CREB5: variants seen among roughly 807,000 people sequenced by gnomAD.
CREB5 encodes cAMP responsive element binding protein 5, also known as cyclic AMP-responsive element-binding protein 5.
In CREB5, 19 loss-of-function variants were observed where a neutral mutation model predicts 57.1. That is an observed-to-expected ratio of 0.33 (90% CI 0.23 to 0.49). CREB5 has a LOEUF of 0.49. CREB5 is among the 20% of genes least tolerant of loss of function. CREB5 has a pLI of 0.99. For missense variants in CREB5, 579 were observed against 671.6 expected (o/e 0.86, Z 1.52); for synonymous variants, 238 against 238.3 (o/e 1.00, Z 0.01).
At chr7:28,818,381 T>C (rs1809563172) in intron 10 of CREB5, among the ~76,000 whole-genome samples, 1 of 152,058 alleles carries the variant, frequency 6.6e-6, no homozygotes, top group South Asian at 2.1e-4. Flanking sequence ...GCCCACCACC[T>C]CCTGATAATT....
chr7:28,620,157 C>T (rs542264872), intron 5 of CREB5, among the ~76,000 whole-genome samples: 4 of 152,258 alleles, frequency 2.6e-5, no homozygotes, highest in Admixed American at 6.5e-5. Flanking sequence ...ACAATTTTTG[C>T]AGTCGTCTCA....
chr7:28,335,505 C>T (rs955730803), intron 1 of CREB5, among the ~76,000 whole-genome samples: 6 of 151,496 alleles, frequency 4.0e-5, no homozygotes, highest in African/African-American at 9.7e-5. Flanking sequence ...GATTGATTGC[C>T]GTTGGCCTAT....
chr7:28,447,712 CA>C (rs1040700190), intron 1 of CREB5, among the ~76,000 whole-genome samples: 1 of 152,116 alleles, frequency 6.6e-6, no homozygotes, highest in Admixed American at 6.5e-5. Flanking sequence ...CATGATGACT[CA>C]GGGGTCCTTT....
chr7:28,692,046 C>T (rs375521209), intron 5 of CREB5, among the ~76,000 whole-genome samples: 5 of 150,158 alleles, frequency 3.3e-5, no homozygotes, highest in African/African-American at 9.8e-5. Context: ...ATTAGCTGGG[C>T]GTGGTGGCAT....
chr7:28,502,913 G>A (rs1583547036), intron 3 of CREB5, among the ~76,000 whole-genome samples: 1 of 152,122 alleles, frequency 6.6e-6, no homozygotes, highest in Admixed American at 6.5e-5. Context: ...AAGGGAGTAA[G>A]GTAGCAATCA....
intron 1 of CREB5, among the ~76,000 whole-genome samples, chr7:28,477,301 G>T (rs1365706678): frequency 1.3e-5 from 2 of 152,098 alleles, no homozygotes; most frequent in African/African-American, 2.4e-5. Context: ...CTTTCAATAG[G>T]CATGTCTCAT....
intron 2 of CREB5, 24 bp downstream of exon 2, chr7:28,488,270 T>A (rs751996430): frequency 1.2e-6 from 2 of 1,605,744 alleles, no homozygotes; most frequent in East Asian, 2.2e-5. Flanking sequence ...TCCTCCCTGC[T>A]CTGACATGCA....
rs1795939739 is a variant in CREB5, at chr7:28,577,187, G to T, written c.464+6650G>T. On this transcript the variant is annotated intron_variant, in intron 5 of 10. Coordinates refer to ENST00000357727, the MANE Select transcript of CREB5 (RefSeq NM_182898.4). ...GGTTTCCTTTACCTACATATAAAGG[G>T]GTTAGCCAATTAATTGAGTCAGTCT... Among the ~76,000 whole-genome samples, 10 of 152,250 alleles carry T rather than the reference G, an allele frequency of 6.6e-5. 1 individual carries two copies. In the South Asian group the frequency reaches 1.7e-3, roughly 25 times the overall value.
intron 1 of CREB5, among the ~76,000 whole-genome samples, chr7:28,402,523 A>T (rs1376106840): frequency 1.3e-5 from 2 of 152,202 alleles, no homozygotes; most frequent in Non-Finnish European, 2.9e-5. Flanking sequence ...AATACCACAC[A>T]TCTACAACCA....
At chr7:28,730,665 G>A (rs1803565490) in intron 7 of CREB5, among the ~76,000 whole-genome samples, 1 of 152,146 alleles carries the variant, frequency 6.6e-6, no homozygotes, top group African/African-American at 2.4e-5. Context: ...GTTTACATTA[G>A]TAGAGCACTT....
chr7:28,382,414 G>A (rs1265774655), intron 1 of CREB5, among the ~76,000 whole-genome samples: 1 of 151,176 alleles, frequency 6.6e-6, no homozygotes, highest in Non-Finnish European at 1.5e-5. Flanking sequence ...CTGAAGCATT[G>A]AGAATAATTA....
At chr7:28,511,749 G>T (rs978488570) in intron 4 of CREB5, among the ~76,000 whole-genome samples, 4 of 152,234 alleles carry the variant, frequency 2.6e-5, no homozygotes, top group Non-Finnish European at 5.9e-5. Flanking sequence ...GCCTCCCAAA[G>T]TGCTGGGATT....
chr7:28,410,341 C>G (rs758999392), upstream of CREB5: 6 of 456,686 alleles, frequency 1.3e-5, no homozygotes, highest in Middle Eastern at 9.8e-4. Flanking sequence ...AGCTCCGGCT[C>G]GAGCTTTGGC....
In CREB5 at chr7:28,560,923, CGCGTGCGTGT is replaced by C. The variant is rs1795182746; in HGVS notation, c.292-9440_292-9431del. On this transcript the variant is annotated intron_variant, in intron 4 of 10. Transcript: ENST00000357727. ...GTGCGCGCGTGCGTGTGCGTGTGTG[CGCGTGCGTGT>C]GTGCGTGCGTGTGTGTGCGTGTGTG... Among the ~76,000 whole-genome samples the C allele has an allele frequency of 9.6e-4, 19 of 19,842 alleles. 1 individual carries two copies. Among genetic ancestry groups the C allele is most frequent in the African/African-American group, 2.8e-3 (16 of 5,680 alleles). 13.0% of individuals were successfully genotyped at this position (19,842 alleles called of 152,430 possible).
At chr7:28,614,909 A>G (rs1166179455) in intron 5 of CREB5, among the ~76,000 whole-genome samples, 3 of 152,228 alleles carry the variant, frequency 2.0e-5, no homozygotes, top group Non-Finnish European at 4.4e-5. Flanking sequence ...ATATTTTAAC[A>G]TGGCTATATA....
chr7:28,806,126 G>A (rs938102220), intron 8 of CREB5, among the ~76,000 whole-genome samples: 1 of 152,172 alleles, frequency 6.6e-6, no homozygotes, highest in African/African-American at 2.4e-5. Flanking sequence ...ATTTCACAGA[G>A]CAAGTTATAT....
chr7:28,493,769 A>G (rs917089771), intron 2 of CREB5, among the ~76,000 whole-genome samples: 3 of 152,226 alleles, frequency 2.0e-5, no homozygotes, highest in African/African-American at 7.2e-5. Context: ...TGGGAGCAGC[A>G]TTTTTGATAA....
intron 5 of CREB5, among the ~76,000 whole-genome samples, chr7:28,645,878 G>GT (rs1389757873): frequency 6.6e-6 from 1 of 152,170 alleles, no homozygotes; most frequent in Non-Finnish European, 1.5e-5. Flanking sequence ...ACCAATCCAG[G>GT]TGGGCCATCA....
rs115005270 is a variant in CREB5, at chr7:28,538,031, G to T, written c.291+30294G>T. 5.1e-3 allele frequency among the ~76,000 whole-genome samples: 756 copies of T among 148,056 alleles called. 9 individuals are homozygous for T. The highest frequency in any genetic ancestry group is 0.018 in the African/African-American group (717 of 40,578). ...TGGTTTCTTAACTATGGTTTTTGTT[G>T]TTGTTGTTGTTATCGTTTTGTTTTG... On this transcript the variant is annotated intron_variant, in intron 4 of 10. Transcript: ENST00000357727.
Sources: allele counts gnomAD v4.1 joint callset (sites outside exome capture counted in the v4.1 genomes callset), GRCh38; gene constraint gnomAD v4.1.1; transcripts MANE v1.5; gene names NCBI Gene and HGNC (gene_info 2026-07-23, HGNC 2026-07-21).